CSMD1: variants seen among roughly 807,000 people sequenced by gnomAD.
CSMD1 encodes CUB and sushi domain-containing protein 1.
CSMD1 carries 213 observed loss-of-function variants against 417.5 expected under a neutral mutation model. The observed-to-expected ratio is 0.51, with a 90% CI of 0.46 to 0.57. CSMD1 has a LOEUF of 0.57. Among genes scored for constraint, CSMD1 ranks in the 20% least tolerant of loss-of-function variants. The probability of loss-of-function intolerance (pLI) is 0.00; values close to 1 mark genes in which losing one functional copy is unlikely to be tolerated. For synonymous variants in CSMD1, 2,862 were observed against 1,736.8 expected, an observed-to-expected ratio of 1.65 and a Z score of -16.11; for missense variants, 6,923 against 4,529.7, an observed-to-expected ratio of 1.53 and a Z score of -15.17.
At chr8:4,925,123 C>G (rs1277046221) in intron 1 of CSMD1, among the ~76,000 whole-genome samples, 1 of 150,074 alleles carries the variant, frequency 6.7e-6, no homozygotes, top group African/African-American at 2.4e-5. Context: ...ATAAGTCTTT[C>G]TGAATGTTTA....
intron 7 of CSMD1, among the ~76,000 whole-genome samples, chr8:3,691,736 G>C (rs2129033008): frequency 6.6e-6 from 1 of 152,030 alleles, no homozygotes; most frequent in South Asian, 2.1e-4. Flanking sequence ...CGCTATTTTA[G>C]AATTTGAGAA....
At chr8:3,935,354 A>C (rs1810416278) in intron 5 of CSMD1, among the ~76,000 whole-genome samples, 1 of 152,208 alleles carries the variant, frequency 6.6e-6, no homozygotes. Context: ...TCACTTAAGA[A>C]ATTGTCATAC....
chr8:3,033,675 G>C (rs1377795689), intron 50 of CSMD1, among the ~76,000 whole-genome samples: 2 of 150,168 alleles, frequency 1.3e-5, no homozygotes, highest in Non-Finnish European at 3.0e-5. Context: ...TAGATGACAG[G>C]TTGACGGGTG....
chr8:3,147,556 C>G (rs1818917841), intron 40 of CSMD1, among the ~76,000 whole-genome samples: 1 of 152,186 alleles, frequency 6.6e-6, no homozygotes, highest in African/African-American at 2.4e-5. Context: ...AGGAAAGAGA[C>G]CACGGGAAGC....
At chr8:3,113,892 G>A (rs1372042245) in intron 42 of CSMD1, among the ~76,000 whole-genome samples, 2 of 152,100 alleles carry the variant, frequency 1.3e-5, no homozygotes, top group Non-Finnish European at 2.9e-5. Flanking sequence ...AAGAGAGATG[G>A]ATAGGCATAT....
At chr8:3,264,270 G>C (rs73660629) in intron 26 of CSMD1, among the ~76,000 whole-genome samples, 5,050 of 152,226 alleles carry the variant, frequency 0.033, 256 homozygotes, top group African/African-American at 0.11. Flanking sequence ...ATAAGTACCT[G>C]GTTTGGAATT....
chr8:4,172,928 C>T (rs1440954380), intron 3 of CSMD1, among the ~76,000 whole-genome samples: 1 of 152,120 alleles, frequency 6.6e-6, no homozygotes, highest in African/African-American at 2.4e-5. Context: ...AAGTTAACAG[C>T]AACTTACAGA....
chr8:3,107,697 T>C, intron 45 of CSMD1, 21 bp downstream of exon 45: 2 of 1,397,044 alleles, frequency 1.4e-6, no homozygotes, highest in Non-Finnish European at 2.0e-6. Context: ...ATTCATGGTA[T>C]TGTAATGAAG....
intron 1 of CSMD1, among the ~76,000 whole-genome samples, chr8:4,760,552 T>A (rs906527944): frequency 3.3e-5 from 5 of 152,210 alleles, no homozygotes; most frequent in African/African-American, 1.2e-4. Flanking sequence ...CATATATTAT[T>A]GGCAAGCAGG....
At chr8:4,594,900 G>A (rs972612917) in intron 2 of CSMD1, among the ~76,000 whole-genome samples, 2 of 152,130 alleles carry the variant, frequency 1.3e-5, no homozygotes, top group African/African-American at 4.8e-5. Context: ...AAGGAATGTG[G>A]ATGGTTATAG....
intron 7 of CSMD1, among the ~76,000 whole-genome samples, chr8:3,635,649 A>AT (rs201845269): frequency 0.016 from 2,492 of 151,522 alleles, 70 homozygotes; most frequent in African/African-American, 0.054. Flanking sequence ...ATGCCTGGCT[A>AT]TTTTTTGTAT....
At chr8:4,351,923 A>G (rs999814677) in intron 3 of CSMD1, among the ~76,000 whole-genome samples, 8 of 150,574 alleles carry the variant, frequency 5.3e-5, no homozygotes, top group African/African-American at 1.7e-4. Flanking sequence ...AAACACTGAC[A>G]TTCAAGGTAA....
At chr8:3,687,085 T>G (rs1266015337) in intron 7 of CSMD1, among the ~76,000 whole-genome samples, 1 of 152,184 alleles carries the variant, frequency 6.6e-6, no homozygotes, top group Non-Finnish European at 1.5e-5. Context: ...AAATACCAAA[T>G]GTATGTCCAA....
At chr8:4,713,848 T>C (rs975795373) in intron 1 of CSMD1, among the ~76,000 whole-genome samples, 36 of 152,250 alleles carry the variant, frequency 2.4e-4, no homozygotes, top group African/African-American at 8.4e-4. Flanking sequence ...TTTTCCTATC[T>C]TTTGAAGATG....
At chr8:3,927,672 T>G (rs964909412) in intron 5 of CSMD1, among the ~76,000 whole-genome samples, 1 of 151,902 alleles carries the variant, frequency 6.6e-6, no homozygotes, top group Non-Finnish European at 1.5e-5. Flanking sequence ...AAACTTCATC[T>G]CAAAATAGAA....
rs76773219 is a variant in CSMD1 at position 3,118,891 on chromosome 8, G to C, written c.6242-304C>G. 3.5e-3 allele frequency among the ~76,000 whole-genome samples: 528 copies of C among 152,268 alleles called. 11 individuals are homozygous for C. The East Asian group carries it at 0.05, about 14-fold the overall frequency. ...CATATGATGTAAATTATTTAAGAAA[G>C]TAATACAGGCTGGGAGCGGTGGCTC... On this transcript the variant is annotated intron_variant, in intron 41 of 69. Coordinates refer to ENST00000635120, the MANE Select transcript of CSMD1 (RefSeq NM_033225.6).
chr8:4,961,417 C>T (rs1037014686), intron 1 of CSMD1, among the ~76,000 whole-genome samples: 2 of 152,130 alleles, frequency 1.3e-5, no homozygotes, highest in Non-Finnish European at 2.9e-5. Context: ...TTCTCACAGG[C>T]TCTTTACTCC....
chr8:3,643,240 G>C (rs1328086158), intron 7 of CSMD1, among the ~76,000 whole-genome samples: 1 of 151,948 alleles, frequency 6.6e-6, no homozygotes, highest in Admixed American at 6.6e-5. Flanking sequence ...TGAAACAGCA[G>C]AACAAAGACA....
At chr8:4,538,908 G>T (rs551977999) in intron 2 of CSMD1, among the ~76,000 whole-genome samples, 1 of 152,044 alleles carries the variant, frequency 6.6e-6, no homozygotes, top group Non-Finnish European at 1.5e-5. Flanking sequence ...TGGAATCTTT[G>T]AATCTAAAAG....
Sources: allele counts gnomAD v4.1 joint callset (sites outside exome capture counted in the v4.1 genomes callset), GRCh38; gene constraint gnomAD v4.1.1; transcripts MANE v1.5; gene names NCBI Gene and HGNC (gene_info 2026-07-23, HGNC 2026-07-21).